The following DOCK10 variants were observed in gnomAD, a reference collection of about 807,000 sequenced individuals.
The protein encoded by DOCK10 is dedicator of cytokinesis 10, also known as dedicator of cytokinesis protein 10.
A neutral mutation model predicts 280.1 loss-of-function variants in DOCK10; 145 were observed. That is an observed-to-expected ratio of 0.52 (90% CI 0.45 to 0.59). The LOEUF (loss-of-function observed/expected upper bound fraction) is 0.59, where lower values mean the gene tolerates loss of function less well. DOCK10 is among the 20% of genes least tolerant of loss of function. The pLI is 0.00. For synonymous variants in DOCK10, 915 were observed against 942.2 expected (o/e 0.97, Z 0.53); for missense variants, 2,368 against 2,651.7 (o/e 0.89, Z 2.35).
At chr2:225,016,342 G>A (rs1220166745) in intron 1 of DOCK10, among the ~76,000 whole-genome samples, 1 of 151,710 alleles carries the variant, frequency 6.6e-6, no homozygotes, top group African/African-American at 2.4e-5. Context: ...TTTTAATAAT[G>A]TATTGTAATT....
intron 18 of DOCK10, 135 bp from the exon 19 acceptor site, chr2:224,849,734 A>C: frequency 1.6e-6 from 1 of 633,086 alleles, no homozygotes; most frequent in South Asian, 1.9e-5. Context: ...CTAAGCTGGC[A>C]TCTAATTAAC....
At chr2:224,806,259 G>C (rs1693385216) in intron 33 of DOCK10, 22 bp from the exon 34 acceptor site, 2 of 1,382,466 alleles carry the variant, frequency 1.4e-6, no homozygotes, top group Non-Finnish European at 2.0e-6. Context: ...GTATAGTAAA[G>C]ATTAATGGGA....
intron 3 of DOCK10, among the ~76,000 whole-genome samples, chr2:224,907,671 G>A (rs1434921531): frequency 7.5e-6 from 1 of 132,650 alleles, no homozygotes; most frequent in Non-Finnish European, 1.6e-5. Flanking sequence ...CTGGGCGACA[G>A]AGCGAGACTC....
chr2:224,793,003 T>C lies in DOCK10; in HGVS notation c.5282A>G (p.Asn1761Ser). Residue 1761 changes from asparagine (N) to serine (S), a missense_variant, in exon 47 of 56, where the codon AAC becomes AGC. Transcript: ENST00000258390. ...LSEDTHPCDSNSLLTTPSGGS... is the reference protein window; with the variant it reads ...LSEDTHPCDSSSLLTTPSGGS... Reference sequence around the variant, plus strand: ...TCCACTGGGAGTTGTTAGTAATGAGTTGCTATCACAGGGGTGGGTATCCTC... The same window carrying C: ...TCCACTGGGAGTTGTTAGTAATGAGCTGCTATCACAGGGGTGGGTATCCTC... The C allele has an allele frequency of 1.2e-6, 2 of 1,613,764 alleles. No homozygotes were observed. The highest frequency in any genetic ancestry group is 2.2e-5 in the East Asian group (1 of 44,866).
chr2:225,033,709 A>C (rs1690144409), intron 1 of DOCK10, among the ~76,000 whole-genome samples: 1 of 152,230 alleles, frequency 6.6e-6, no homozygotes, highest in Admixed American at 6.5e-5. Flanking sequence ...ATAAGAAGCA[A>C]ACAAGTCTCA....
At chr2:224,779,676 T>C (rs1319898054) in intron 50 of DOCK10, among the ~76,000 whole-genome samples, 2 of 152,244 alleles carry the variant, frequency 1.3e-5, no homozygotes, top group Non-Finnish European at 2.9e-5. Flanking sequence ...TATTTTTTCA[T>C]GGTGAGACAA....
At chr2:224,876,282 G>T in intron 7 of DOCK10, 61 bp from the exon 8 acceptor site, 1 of 1,391,242 alleles carries the variant, frequency 7.2e-7, no homozygotes, top group Non-Finnish European at 9.7e-7. Context: ...TCGAGAGAGA[G>T]ATCATTTATG....
At chr2:225,035,718 G>T (rs1223662767) in intron 1 of DOCK10, among the ~76,000 whole-genome samples, 1 of 150,594 alleles carries the variant, frequency 6.6e-6, no homozygotes, top group African/African-American at 2.4e-5. Flanking sequence ...TAGTCTGGGT[G>T]TCTTTAACAA....
chr2:224,884,241 C>A (rs1699145308), intron 7 of DOCK10, among the ~76,000 whole-genome samples: 1 of 152,188 alleles, frequency 6.6e-6, no homozygotes, highest in African/African-American at 2.4e-5. Context: ...AACAGATAAA[C>A]CATCCAGAAA....
At chr2:224,968,272 C>T (rs1378672579) in intron 1 of DOCK10, among the ~76,000 whole-genome samples, 1 of 152,052 alleles carries the variant, frequency 6.6e-6, no homozygotes, top group East Asian at 1.9e-4. Flanking sequence ...AAAAAGAGCG[C>T]CAGAAAATGA....
In DOCK10 at chr2:224,805,436, C is replaced by T. The variant is rs1215985187; in HGVS notation, c.3908G>A (p.Ser1303Asn). The T allele has an allele frequency of 6.2e-7, 1 of 1,612,784 alleles. No individual in the cohort carries two copies. The highest frequency in any genetic ancestry group is 1.7e-5 in the Admixed American group (1 of 59,822). The change falls in exon 35 of 56, where the codon AGC becomes AAC. Residue 1303 changes from serine to asparagine, a missense_variant. Transcript: ENST00000258390. The surrounding 1 kb of genome is among the most constrained non-coding windows in gnomAD (Gnocchi z 4.3). ...TTCACAGTTGTCCGTCTTCTCACTG[C>T]TCTTCTCATTGGTACTTGGATTGGA... ...LDSNPSTNEK[S>N]SEKTDNCEKI...
chr2:224,912,167 T>G (rs1023196195), intron 3 of DOCK10, among the ~76,000 whole-genome samples: 2 of 150,956 alleles, frequency 1.3e-5, no homozygotes, highest in Non-Finnish European at 2.9e-5. Flanking sequence ...TTGAGTGGAG[T>G]TTTGCTCTTG....
chr2:224,823,529 G>T lies in DOCK10; in HGVS notation c.3155C>A (p.Ala1052Glu). 2 of 1,607,184 alleles carry T rather than the reference G, an allele frequency of 1.2e-6. No individual in the cohort carries two copies. Among genetic ancestry groups the T allele is most frequent in the South Asian group, 1.1e-5 (1 of 89,290 alleles). Residue 1052 changes from alanine to glutamate, a missense_variant, in exon 28 of 56, where the codon GCA becomes GAA. By Grantham distance (107) the Ala-to-Glu change is moderately radical (BLOSUM62 -1). This residue lies in a region of DOCK10 where 1,159 missense variants were observed against 1,400.8 expected (regional missense o/e 0.83). Transcript: ENST00000258390. ...GAGAAATCTGGCAACGCTGTGGTTTGCCCTTCTTGTTTCTTCAAGTGCATC... is the reference window on the plus strand; with the variant it reads ...GAGAAATCTGGCAACGCTGTGGTTTTCCCTTCTTGTTTCTTCAAGTGCATC... ...YKDALEETRR[A>E]NHSVARFLKR...
chr2:224,815,288 G>T (rs1263665822), intron 30 of DOCK10, among the ~76,000 whole-genome samples: 3 of 152,082 alleles, frequency 2.0e-5, no homozygotes, highest in African/African-American at 7.2e-5. Flanking sequence ...CAGCCATATG[G>T]CACTGTGAGT....
intron 19 of DOCK10, among the ~76,000 whole-genome samples, chr2:224,847,116 A>C (rs1696415442): frequency 6.6e-6 from 1 of 152,238 alleles, no homozygotes; most frequent in African/African-American, 2.4e-5. Flanking sequence ...AATAAAATAA[A>C]AATGGATCTA....
chr2:224,960,866 T>A (rs1193827055), intron 1 of DOCK10, among the ~76,000 whole-genome samples: 9 of 150,124 alleles, frequency 6.0e-5, no homozygotes, highest in South Asian at 2.1e-4. Context: ...CAGCCTCCCG[T>A]GTAGCTGGGA....
chr2:224,886,394 T>C, intron 5 of DOCK10, 65 bp downstream of exon 5: 1 of 1,538,492 alleles, frequency 6.5e-7, no homozygotes, highest in Non-Finnish European at 8.9e-7. Flanking sequence ...CTCGAAACTT[T>C]CAGTGCAAGA....
At chr2:224,858,386 C>T (rs913755978) in intron 14 of DOCK10, among the ~76,000 whole-genome samples, 14 of 152,018 alleles carry the variant, frequency 9.2e-5, no homozygotes, top group African/African-American at 2.4e-5. Context: ...TGGCTGGGCG[C>T]GGTGGCTCAC....
chr2:224,878,294 T>C (rs1200043207), intron 7 of DOCK10, among the ~76,000 whole-genome samples: 1 of 152,238 alleles, frequency 6.6e-6, no homozygotes, highest in Non-Finnish European at 1.5e-5. Context: ...TTAAATGTCA[T>C]AACAACCCTG....
Sources: gnomAD v4.1 joint callset for allele counts (sites outside exome capture counted in the v4.1 genomes callset) on GRCh38, gnomAD v4.1.1 for gene constraint, gnomAD v4.1.1 regional missense constraint, Gnocchi (gnomAD v3.1) non-coding constraint, MANE v1.5 for transcripts, NCBI Gene and HGNC (gene_info 2026-07-23, HGNC 2026-07-21) for gene names.